Variants in BAIAP2 observed in about 807,000 individuals in gnomAD.
The protein encoded by BAIAP2 is BAR/IMD domain containing adaptor protein 2, also known as BAR/IMD domain-containing adapter protein 2.
BAIAP2 carries 18 observed loss-of-function variants against 63.0 expected under a neutral mutation model. That is an observed-to-expected ratio of 0.29 (90% CI 0.20 to 0.42). The LOEUF (loss-of-function observed/expected upper bound fraction) is 0.42. Ranked by LOEUF, BAIAP2 falls within the 10% of genes least tolerant of loss-of-function variation. BAIAP2 has a pLI of 1.00. For synonymous variants in BAIAP2, 386 were observed against 307.6 expected, an observed-to-expected ratio of 1.25 and a Z score of -2.67; for missense variants, 610 against 734.3, an observed-to-expected ratio of 0.83 and a Z score of 1.96.
chr17:81,053,571 G>A, intron 1 of BAIAP2, 97 bp from the exon 2 acceptor site: 1 of 1,333,022 alleles, frequency 7.5e-7, no homozygotes, highest in Non-Finnish European at 1.1e-6. Flanking sequence ...CCCCAGGAGG[G>A]GTGCCTGCTC....
intron 7 of BAIAP2, among the ~76,000 whole-genome samples, chr17:81,101,406 A>G (rs1270545409): frequency 6.6e-6 from 1 of 152,164 alleles, no homozygotes; most frequent in Non-Finnish European, 1.5e-5. Context: ...CAGGGCCAGC[A>G]GGCCCCTGTT....
At chr17:81,045,488 G>A (rs1472360635) in intron 1 of BAIAP2, among the ~76,000 whole-genome samples, 1 of 151,736 alleles carries the variant, frequency 6.6e-6, no homozygotes, top group East Asian at 1.9e-4. Context: ...CAGCATGAGG[G>A]AAGGAGTCCC....
intron 6 of BAIAP2, among the ~76,000 whole-genome samples, chr17:81,093,902 C>G (rs1000391420): frequency 4.6e-5 from 7 of 152,170 alleles, no homozygotes; most frequent in Admixed American, 6.5e-5. Context: ...TCACAAAGCT[C>G]TTCAGGCTAA....
At chr17:81,088,432 A>G (rs1314804109) in intron 6 of BAIAP2, among the ~76,000 whole-genome samples, 3 of 152,230 alleles carry the variant, frequency 2.0e-5, no homozygotes, top group Non-Finnish European at 4.4e-5. Flanking sequence ...TTTCACGGGC[A>G]CAGTCCAGTG....
intron 1 of BAIAP2, among the ~76,000 whole-genome samples, chr17:81,039,371 C>T (rs936673634): frequency 2.2e-4 from 33 of 152,214 alleles, no homozygotes; most frequent in African/African-American, 8.0e-4. Context: ...CTGCTGGCTC[C>T]AGGTGGCGTC....
In BAIAP2 at chr17:81,084,826, T is replaced by C. The variant is rs369625815; in HGVS notation, c.218-6T>C. 708 of 1,613,446 alleles carry C rather than the reference T, an allele frequency of 4.4e-4. 1 individual carries two copies. The highest frequency in any genetic ancestry group is 5.3e-4 in the Non-Finnish European group (622 of 1,179,986). ...CTCCCCTTCCTTCTGCTGTTCTGCT[T>C]CCCAGGAGACGTTCTCTTCCAGATG... On this transcript the variant is annotated splice_polypyrimidine_tract_variant and splice_region_variant and intron_variant, in intron 3 of 13. Coordinates refer to ENST00000428708, the MANE Select transcript of BAIAP2 (RefSeq NM_001144888.2).
intron 10 of BAIAP2, chr17:81,104,958 G>GAGGGATCTTCCCCCAACAGC (rs1568181277): frequency 2.3e-5 from 9 of 395,812 alleles, no homozygotes; most frequent in Non-Finnish European, 3.3e-5. Context: ...TCCCCTACAG[G>GAGGGATCTTCCCCCAACAGC]AGGGATCTCC....
At chr17:81,075,975 A>G (rs572322744) in intron 3 of BAIAP2, among the ~76,000 whole-genome samples, 2 of 150,144 alleles carry the variant, frequency 1.3e-5, no homozygotes, top group Admixed American at 6.6e-5. Flanking sequence ...AATAAAATGC[A>G]TAACGCAGAG....
At chr17:81,108,274 G>A (rs2059415575) in intron 12 of BAIAP2, 1 of 610,096 alleles carries the variant, frequency 1.6e-6, no homozygotes, top group South Asian at 2.0e-5. Flanking sequence ...CTTTAATTTG[G>A]GCAGTCATTA....
At chr17:81,092,339 C>T (rs143393531) in intron 6 of BAIAP2, among the ~76,000 whole-genome samples, 5 of 152,342 alleles carry the variant, frequency 3.3e-5, no homozygotes, top group Admixed American at 1.3e-4. Context: ...CTGCCGGGCT[C>T]ATTGTGTGGC....
In BAIAP2 at chr17:81,099,833, C is replaced by T. The variant is rs569580422; in HGVS notation, c.490-95C>T. The T allele has an allele frequency of 6.7e-5, 93 of 1,384,988 alleles. No individual in the cohort carries two copies. In the East Asian group the frequency reaches 1.6e-3, roughly 25 times the overall value. 85.8% of individuals were successfully genotyped at this position (1,384,988 alleles called of 1,614,324 possible). A position where few individuals can be genotyped will look rare whatever the true frequency, so the allele number is the denominator to read the frequency against. ...TTCCAGCTGCTCTGCATGAATGAGACGTGTCCTTTGACTGAGTCCGTGGGG... is the reference window on the plus strand; with the variant it reads ...TTCCAGCTGCTCTGCATGAATGAGATGTGTCCTTTGACTGAGTCCGTGGGG... On this transcript the variant is annotated intron_variant, in intron 6 of 13. Transcript: ENST00000428708.
chr17:81,066,904 G>A (rs1345715309), intron 3 of BAIAP2, among the ~76,000 whole-genome samples: 5 of 152,260 alleles, frequency 3.3e-5, no homozygotes, highest in Non-Finnish European at 7.3e-5. Flanking sequence ...GTATGGGCAT[G>A]ACACCTGCTT....
At chr17:81,043,729 G>A (rs1489080289) in intron 1 of BAIAP2, among the ~76,000 whole-genome samples, 1 of 152,202 alleles carries the variant, frequency 6.6e-6, no homozygotes, top group Non-Finnish European at 1.5e-5. Flanking sequence ...GCCTGACAGG[G>A]GATCCTCGGT....
intron 2 of BAIAP2, 87 bp from the exon 3 acceptor site, chr17:81,057,794 T>C: frequency 2.0e-6 from 3 of 1,512,424 alleles, no homozygotes; most frequent in South Asian, 2.6e-5. Flanking sequence ...GGGTTGGGCC[T>C]GTGCGTGCCA....
At chr17:81,114,871 C>T (rs1255564183) in intron 13 of BAIAP2, among the ~76,000 whole-genome samples, 1 of 152,202 alleles carries the variant, frequency 6.6e-6, no homozygotes, top group African/African-American at 2.4e-5. Context: ...CCCAGCTGTG[C>T]CAGAGGTGAT....
chr17:81,066,004 G>A (rs1253461440), intron 3 of BAIAP2, among the ~76,000 whole-genome samples: 1 of 152,244 alleles, frequency 6.6e-6, no homozygotes, highest in East Asian at 1.9e-4. Flanking sequence ...CCTTTGTGTG[G>A]TCAGACCCGC....
intron 1 of BAIAP2, chr17:81,037,058 G>A: frequency 2.9e-6 from 3 of 1,029,196 alleles, no homozygotes; most frequent in South Asian, 2.8e-5. Flanking sequence ...CCTAGGTGAA[G>A]CTGTAATTTA....
intron 13 of BAIAP2, chr17:81,111,053 C>A: frequency 6.6e-7 from 1 of 1,505,196 alleles, no homozygotes; most frequent in Non-Finnish European, 9.2e-7. Flanking sequence ...GTGGGGAGGG[C>A]CCGGCTGCAT....
At chr17:81,114,822 G>A (rs1313593809) in intron 13 of BAIAP2, among the ~76,000 whole-genome samples, 1 of 152,070 alleles carries the variant, frequency 6.6e-6, no homozygotes, top group East Asian at 1.9e-4. Context: ...CTGCCTGCCC[G>A]TCCCCAGGGT....
Sources: allele counts gnomAD v4.1 joint callset (sites outside exome capture counted in the v4.1 genomes callset), GRCh38; gene constraint gnomAD v4.1.1; transcripts MANE v1.5; gene names NCBI Gene and HGNC (gene_info 2026-07-23, HGNC 2026-07-21).